UCP1: variants seen among roughly 807,000 people sequenced by gnomAD.
UCP1 encodes the protein uncoupling protein 1, also known as mitochondrial brown fat uncoupling protein 1.
A neutral mutation model predicts 26.2 loss-of-function variants in UCP1; 24 were observed. The observed-to-expected ratio is 0.92, with a 90% CI of 0.66 to 1.29. The LOEUF (loss-of-function observed/expected upper bound fraction) is 1.29. Among genes scored for constraint, UCP1 ranks in the 50% most tolerant of loss-of-function variants. The pLI is 0.00. For missense variants in UCP1, 402 were observed against 388.7 expected, an observed-to-expected ratio of 1.03 and a Z score of -0.29; for synonymous variants, 164 against 156.8, an observed-to-expected ratio of 1.05 and a Z score of -0.34.
chr4:140,568,595 C>G lies in UCP1; in HGVS notation c.126+9G>C. ...TGAGACCCCTTGTCTTACCCCTCTG[C>G]CTAGCTACCTGGAGCCGGACTTTGG... is the stretch of plus-strand genomic sequence containing the variant. On this transcript the variant is annotated intron_variant, in intron 1 of 5. Coordinates refer to ENST00000262999, the MANE Select transcript of UCP1 (RefSeq NM_021833.5). The G allele has an allele frequency of 6.2e-7, 1 of 1,613,770 alleles. No individual in the cohort carries two copies. The highest frequency in any genetic ancestry group is 8.5e-7 in the Non-Finnish European group (1 of 1,179,966).
In UCP1 at chr4:140,562,300, A is replaced by G. The variant is rs1401085392; in HGVS notation, c.702T>C (p.Asp234=). Residue 234 remains aspartate, a synonymous_variant, in exon 5 of 6, where the codon GAT becomes GAC. Transcript: ENST00000262999. The stretch of plus-strand genomic sequence containing the variant: ...AATTAATAAATCTGGTTTTTACTAC[A>G]TCCACCGGGGAGGACATAGCTGTTG... The part of the protein sequence containing the change: ...FCATAMSSPV[D]VVKTRFINSP... 2 of 1,614,160 alleles carry G rather than the reference A, an allele frequency of 1.2e-6. No homozygotes were observed. The highest frequency in any genetic ancestry group is 2.2e-5 in the East Asian group (1 of 44,884).
chr4:140,563,414 G>A lies in UCP1; in HGVS notation c.430C>T (p.Gln144Ter), dbSNP rs777680167. ...TEVVKVRLQA[Q>*]SHLHGIKPRY... ...GGTTTGATTCCGTGGAGATGGCTCT[G>A]TGCTTGAAGTCTGACTTTCACGACC... is the stretch of plus-strand genomic sequence containing the variant. The change falls in exon 3 of 6, where the codon CAG becomes TAG. Residue 144 changes from glutamine to a stop codon, truncating the protein, a stop_gained. Coordinates refer to ENST00000262999, the MANE Select transcript of UCP1 (RefSeq NM_021833.5). LOFTEE classifies it high-confidence loss of function. 1.2e-6 allele frequency: 2 copies of A among 1,614,038 alleles called. No individual in the cohort carries two copies. Among genetic ancestry groups the A allele is most frequent in the South Asian group, 2.2e-5 (2 of 91,080 alleles).
intron 2 of UCP1, 23 bp from the exon 3 acceptor site, chr4:140,563,541 A>T (rs745773879): frequency 6.2e-7 from 1 of 1,604,772 alleles, no homozygotes; most frequent in South Asian, 1.1e-5. Flanking sequence ...AAAAAAAATT[A>T]TTAAGAAAAA....
intron 4 of UCP1, 21 bp downstream of exon 4, chr4:140,563,089 T>C: frequency 1.3e-6 from 2 of 1,591,288 alleles, no homozygotes; most frequent in Non-Finnish European, 8.6e-7. Context: ...GACCTGTTTG[T>C]TATATGAAAT....
chr4:140,560,808 A>G (rs534102407), intron 5 of UCP1, among the ~76,000 whole-genome samples: 1 of 152,084 alleles, frequency 6.6e-6, no homozygotes, highest in African/African-American at 2.4e-5. Context: ...CATTGTGTGT[A>G]ACCATCACCA....
intron 4 of UCP1, among the ~76,000 whole-genome samples, chr4:140,562,837 A>G (rs1175452135): frequency 6.6e-6 from 1 of 152,182 alleles, no homozygotes; most frequent in Admixed American, 6.5e-5. Flanking sequence ...GATTCTAACA[A>G]AAGTCCCATA....
In UCP1 at chr4:140,568,848, G is replaced by T; in HGVS notation, c.-119C>A. On this transcript the variant is annotated 5_prime_UTR_variant, in exon 1 of 6. Transcript: ENST00000262999. ...GCAGCAAACCCGATTTCTGTTTTTT[G>T]AACCGACCGCCGGGCAGCGGCGGTG... 1 of 1,480,642 alleles carries T rather than the reference G, an allele frequency of 6.8e-7. No homozygotes were observed. Among genetic ancestry groups the T allele is most frequent in the Admixed American group, 2.0e-5 (1 of 49,928 alleles). 91.7% of individuals were successfully genotyped at this position (1,480,642 alleles called of 1,614,324 possible).
chr4:140,567,729 G>C, intron 2 of UCP1, 50 bp downstream of exon 2: 1 of 1,608,738 alleles, frequency 6.2e-7, no homozygotes, highest in South Asian at 1.1e-5. Flanking sequence ...TTTTGGAACA[G>C]AGCGGAGCCC....
intron 5 of UCP1, 65 bp downstream of exon 5, chr4:140,562,128 A>G (rs1017919257): frequency 1.9e-6 from 3 of 1,583,704 alleles, no homozygotes; most frequent in African/African-American, 2.7e-5. Context: ...GTTGCTTGAC[A>G]TGAGAGTGTC....
intron 2 of UCP1, among the ~76,000 whole-genome samples, chr4:140,567,155 G>A (rs1735817370): frequency 6.6e-6 from 1 of 152,206 alleles, no homozygotes; most frequent in Non-Finnish European, 1.5e-5. Context: ...TGGCACTCAG[G>A]AAATATGTTT....
chr4:140,568,054 C>T (rs1735843034), intron 1 of UCP1, 77 bp from the exon 2 acceptor site: 2 of 1,511,770 alleles, frequency 1.3e-6, no homozygotes, highest in African/African-American at 1.4e-5. Flanking sequence ...CCCTGTGTTC[C>T]TATTTTCCGT....
At position 140,559,696 on chromosome 4, in the gene UCP1, CCTT is replaced by C. The variant is rs1302927436; in HGVS notation, c.*197_*199del. ...GTATATGCTGAATGTTTTGCTTTCC[CCTT>C]CTTAAGACACTGAGAAAAAAAAAAA... On this transcript the variant is annotated 3_prime_UTR_variant, in exon 6 of 6. Coordinates refer to ENST00000262999, the MANE Select transcript of UCP1 (RefSeq NM_021833.5). The C allele has an allele frequency of 1.7e-6, 1 of 582,144 alleles. No individual in the cohort carries two copies. The highest frequency in any genetic ancestry group is 3.0e-6 in the Non-Finnish European group (1 of 332,084). The allele number at this position is 582,144 out of a possible 1,614,324, so 36.1% of individuals were successfully genotyped here. A position where few individuals can be genotyped will look rare whatever the true frequency, so the allele number is the denominator to read the frequency against.
chr4:140,562,471 C>G, intron 4 of UCP1, 98 bp from the exon 5 acceptor site: 1 of 1,172,068 alleles, frequency 8.5e-7, no homozygotes, highest in Non-Finnish European at 1.2e-6. Context: ...AACAGTAGGT[C>G]AATGAAGATG....
In UCP1 at chr4:140,568,867, G is replaced by C. The variant is rs1578792671; in HGVS notation, c.-138C>G. The C allele has an allele frequency of 3.6e-6, 5 of 1,396,874 alleles. No individual in the cohort carries two copies. The East Asian group carries it at 1.0e-4, about 28-fold the overall frequency. The allele number at this position is 1,396,874 out of a possible 1,614,324, so 86.5% of individuals were successfully genotyped here. The stretch of plus-strand genomic sequence containing the variant: ...TTTTTTGAACCGACCGCCGGGCAGC[G>C]GCGGTGCAGAGGCGGCGGCTGCAGA... On this transcript the variant is annotated 5_prime_UTR_variant, in exon 1 of 6. Transcript: ENST00000262999.
At position 140,568,659 on chromosome 4, in the gene UCP1, G is replaced by T. The variant is rs199702820; in HGVS notation, c.71C>A (p.Ala24Glu). Residue 24 changes from alanine to glutamate, a missense_variant, in exon 1 of 6, where the codon GCG (alanine) becomes GAG (glutamate). Physicochemically the swap from Ala to Glu is moderately radical, Grantham distance 107 (BLOSUM62 -1). Transcript: ENST00000262999. ...GVQLFSAGIA[A>E]CLADVITFPL... ...GAAGGTGATCACGTCCGCCAAGCAC[G>T]CCGCTATTCCAGCTGAGAAGAGCTG... is the stretch of plus-strand genomic sequence containing the variant. The T allele has an allele frequency of 6.2e-7, 1 of 1,611,716 alleles. No individual in the cohort carries two copies. Among genetic ancestry groups the T allele is most frequent in the Non-Finnish European group, 8.5e-7 (1 of 1,179,372 alleles).
chr4:140,565,332 T>C (rs1735772949), intron 2 of UCP1, among the ~76,000 whole-genome samples: 2 of 152,222 alleles, frequency 1.3e-5, no homozygotes. Context: ...TTATACTTTC[T>C]CAATCTTTCT....
At chr4:140,560,048 G>T (rs1735643244) in intron 5 of UCP1, 38 bp from the exon 6 acceptor site, 2 of 1,525,154 alleles carry the variant, frequency 1.3e-6, no homozygotes, top group South Asian at 1.1e-5. Context: ...TAATTTGTTT[G>T]ATTTTTTTTT....
At position 140,559,679 on chromosome 4, in the gene UCP1, T is replaced by C. The variant is rs1295789131; in HGVS notation, c.*217A>G. 1.8e-6 allele frequency: 1 copy of C among 570,418 alleles called. No homozygotes were observed. The highest frequency in any genetic ancestry group is 3.1e-6 in the Non-Finnish European group (1 of 322,804). The allele number at this position is 570,418 out of a possible 1,614,324, so 35.3% of individuals were successfully genotyped here. A position where few individuals can be genotyped will look rare whatever the true frequency, so the allele number is the denominator to read the frequency against. On this transcript the variant is annotated 3_prime_UTR_variant, in exon 6 of 6. Coordinates refer to ENST00000262999, the MANE Select transcript of UCP1 (RefSeq NM_021833.5). ...GCATTACATTTGCCAGGGTATATGCTGAATGTTTTGCTTTCCCCTTCTTAA... is the reference window on the plus strand; with the variant it reads ...GCATTACATTTGCCAGGGTATATGCCGAATGTTTTGCTTTCCCCTTCTTAA...
chr4:140,564,977 T>C (rs1456279208), intron 2 of UCP1, among the ~76,000 whole-genome samples: 1 of 152,194 alleles, frequency 6.6e-6, no homozygotes, highest in African/African-American at 2.4e-5. Flanking sequence ...GCTGAAGATG[T>C]TTTTGCTAGA....
Sources: allele counts gnomAD v4.1 joint callset (sites outside exome capture counted in the v4.1 genomes callset), GRCh38; gene constraint gnomAD v4.1.1; transcripts MANE v1.5; gene names NCBI Gene and HGNC (gene_info 2026-07-23, HGNC 2026-07-21).